MKRN2OS: variants seen among roughly 807,000 people sequenced by gnomAD.
MKRN2OS encodes the protein MKRN2 opposite strand protein.
MKRN2OS carries 17 observed loss-of-function variants against 18.2 expected under a neutral mutation model. That is an observed-to-expected ratio of 0.93 (90% CI 0.64 to 1.40). The LOEUF (loss-of-function observed/expected upper bound fraction) is 1.40. Ranked by LOEUF, MKRN2OS falls within the 40% of genes most tolerant of loss-of-function variation. MKRN2OS has a pLI of 0.00. For missense variants in MKRN2OS, 337 were observed against 283.0 expected (o/e 1.19, Z -1.37); for synonymous variants, 121 against 108.5 (o/e 1.12, Z -0.72).
chr3:12,543,819 G>C (rs2057849127), intron 1 of MKRN2OS, among the ~76,000 whole-genome samples: 1 of 151,532 alleles, frequency 6.6e-6, no homozygotes. Flanking sequence ...TTGAACCTGG[G>C]AGGCGGAGGT....
At chr3:12,544,069 T>C (rs1461388788) in intron 1 of MKRN2OS, among the ~76,000 whole-genome samples, 1 of 152,136 alleles carries the variant, frequency 6.6e-6, no homozygotes, top group African/African-American at 2.4e-5. Context: ...GCTGTCTATT[T>C]AGCACCTAAC....
intron 1 of MKRN2OS, among the ~76,000 whole-genome samples, chr3:12,554,903 T>C (rs538731936): frequency 1.3e-5 from 2 of 152,358 alleles, no homozygotes; most frequent in East Asian, 3.9e-4. Flanking sequence ...AGGCGGGAAC[T>C]AAATTGACAG....
chr3:12,544,571 G>T (rs1200311086), intron 1 of MKRN2OS, among the ~76,000 whole-genome samples: 2 of 151,800 alleles, frequency 1.3e-5, no homozygotes, highest in African/African-American at 2.4e-5. Context: ...AGCTACTCGG[G>T]AGCCTGAGGC....
intron 1 of MKRN2OS, among the ~76,000 whole-genome samples, chr3:12,559,545 T>A (rs1052369929): frequency 2.6e-5 from 4 of 152,222 alleles, no homozygotes; most frequent in African/African-American, 9.6e-5. Context: ...ATGTCAGTTT[T>A]GCTTCCAATC....
chr3:12,551,637 T>G (rs569806460), downstream of MKRN2OS, among the ~76,000 whole-genome samples: 12 of 152,142 alleles, frequency 7.9e-5, no homozygotes, highest in Non-Finnish European at 1.6e-4. Flanking sequence ...GAAGGATTTA[T>G]TAAGAAAAAA....
intron 1 of MKRN2OS, among the ~76,000 whole-genome samples, chr3:12,555,061 G>A (rs2057956660): frequency 6.6e-6 from 1 of 152,230 alleles, no homozygotes; most frequent in South Asian, 2.1e-4. Context: ...CGTAATCCCA[G>A]CACTTTGGGA....
At chr3:12,545,602 C>A, upstream of MKRN2OS, 1 of 612,514 alleles carries the variant, frequency 1.6e-6, no homozygotes. Context: ...GAAGCCAAAC[C>A]AGATAGGATT....
Position 12,542,003 on chromosome 3 carries a change from A to C in MKRN2OS, c.288T>G (p.Ser96Arg). Residue 96 changes from serine to arginine, a missense_variant, in exon 3 of 4, where the codon AGT becomes AGG. Physicochemically the swap from Ser to Arg is moderately radical, Grantham distance 110 (BLOSUM62 -1). Transcript: ENST00000564146. ...CTCCGTCTCGCTGGACACCATGTGC[A>C]CTGTAATTATACACAACCCCTGCAA... ...TNTNGVVYNY[S>R]AHGVQRDGEG... 1 of 1,535,832 alleles carries C rather than the reference A, an allele frequency of 6.5e-7. No homozygotes were observed. The highest frequency in any genetic ancestry group is 8.7e-7 in the Non-Finnish European group (1 of 1,146,746).
At chr3:12,550,598 C>T (rs1453197734), downstream of MKRN2OS, among the ~76,000 whole-genome samples, 1 of 152,222 alleles carries the variant, frequency 6.6e-6, no homozygotes, top group Non-Finnish European at 1.5e-5. Flanking sequence ...AAAATGCCCA[C>T]TTGGCCCTCT....
At chr3:12,560,548 G>A (rs954198347) in intron 1 of MKRN2OS, among the ~76,000 whole-genome samples, 1 of 151,158 alleles carries the variant, frequency 6.6e-6, no homozygotes, top group Non-Finnish European at 1.5e-5. Context: ...TTGCAAAAGC[G>A]TTTTGCTAAA....
Position 12,540,374 on chromosome 3 carries a change from A to G in MKRN2OS, c.491T>C (p.Leu164Pro), listed in dbSNP as rs1348639213. Residue 164 changes from leucine (L) to proline (P), a missense_variant, in exon 4 of 4, where the codon CTG becomes CCG. Transcript: ENST00000564146. ...SYALTFINCV[L>P]MAEGRQQLDK... ...CAGTTGCTGTCTACCTTCTGCCATCAGAACGCAGTTAATGAACGTGAGTGC... is the reference window on the plus strand; with the variant it reads ...CAGTTGCTGTCTACCTTCTGCCATCGGAACGCAGTTAATGAACGTGAGTGC... 6.5e-7 allele frequency: 1 copy of G among 1,536,150 alleles called. No homozygotes were observed. Among genetic ancestry groups the G allele is most frequent in the East Asian group, 2.4e-5 (1 of 40,924 alleles).
At chr3:12,556,159 T>C (rs916962616) in intron 1 of MKRN2OS, among the ~76,000 whole-genome samples, 1 of 152,130 alleles carries the variant, frequency 6.6e-6, no homozygotes, top group Admixed American at 6.5e-5. Context: ...AAATAGATTT[T>C]TACCAGGAAC....
intron 1 of MKRN2OS, among the ~76,000 whole-genome samples, chr3:12,558,087 G>A (rs2057998378): frequency 6.6e-6 from 1 of 152,166 alleles, no homozygotes; most frequent in African/African-American, 2.4e-5. Flanking sequence ...AATTTTTATG[G>A]GAAACATTGC....
At chr3:12,547,203 C>T (rs530093248), upstream of MKRN2OS, among the ~76,000 whole-genome samples, 8 of 152,276 alleles carry the variant, frequency 5.3e-5, no homozygotes, top group Middle Eastern at 3.4e-3. Flanking sequence ...TTCCACCCAC[C>T]ATATTCTACT....
chr3:12,558,078 A>C (rs186346406), intron 1 of MKRN2OS, among the ~76,000 whole-genome samples: 1 of 152,206 alleles, frequency 6.6e-6, no homozygotes, highest in African/African-American at 2.4e-5. Flanking sequence ...TCATTTAATA[A>C]TTTTTATGGG....
intron 3 of MKRN2OS, 96 bp from the exon 4 acceptor site, chr3:12,540,529 A>G: frequency 7.0e-7 from 1 of 1,423,212 alleles, no homozygotes; most frequent in Non-Finnish European, 9.5e-7. Context: ...CGGGTGCCTC[A>G]GCAAGCAAGG....
At chr3:12,554,167 A>T (rs2057949065) in intron 1 of MKRN2OS, 1 of 152,186 alleles carries the variant, frequency 6.6e-6, no homozygotes, top group Non-Finnish European at 1.5e-5. Flanking sequence ...GGTGGTTAGC[A>T]AGCAGACGCA....
At chr3:12,548,885 G>C (rs1159668573), upstream of MKRN2OS, among the ~76,000 whole-genome samples, 1 of 151,936 alleles carries the variant, frequency 6.6e-6, no homozygotes, top group Non-Finnish European at 1.5e-5. Context: ...CATAGACACA[G>C]AAAACTACAT....
chr3:12,542,067 C>T (rs2057822413), intron 2 of MKRN2OS, 45 bp from the exon 3 acceptor site: 11 of 1,502,916 alleles, frequency 7.3e-6, no homozygotes, highest in Non-Finnish European at 8.9e-6. Flanking sequence ...AGGAAACACA[C>T]ACCTCTGTGA....
Sources: gnomAD v4.1 joint callset for allele counts (sites outside exome capture counted in the v4.1 genomes callset) on GRCh38, gnomAD v4.1.1 for gene constraint, MANE v1.5 for transcripts, NCBI Gene and HGNC (gene_info 2026-07-23, HGNC 2026-07-21) for gene names.